LTBP1: variants seen among roughly 807,000 people sequenced by gnomAD.
LTBP1 encodes the protein latent transforming growth factor beta binding protein 1, also known as latent-transforming growth factor beta-binding protein 1.
In LTBP1, 129 loss-of-function variants were observed where a neutral mutation model predicts 207.6. The ratio of observed to expected loss-of-function variants is 0.62; its 90% CI spans 0.54 to 0.72. The LOEUF is 0.72. LTBP1 is among the 30% of genes least tolerant of loss of function. LTBP1 has a pLI of 0.00. For missense variants in LTBP1, 2,281 were observed against 2,217.2 expected (o/e 1.03, Z -0.58); for synonymous variants, 963 against 833.7 (o/e 1.16, Z -2.67).
chr2:33,351,378 T>G (rs898482010), intron 26 of LTBP1, among the ~76,000 whole-genome samples: 5 of 152,250 alleles, frequency 3.3e-5, no homozygotes, highest in Admixed American at 2.0e-4. Flanking sequence ...TTTCTAATTT[T>G]AGGGCTGAGG....
intron 24 of LTBP1, among the ~76,000 whole-genome samples, chr2:33,342,405 A>C (rs1457710439): frequency 6.6e-6 from 1 of 152,236 alleles, no homozygotes; most frequent in East Asian, 1.9e-4. Context: ...AAGGTTAAGT[A>C]AACTATTGCT....
intron 3 of LTBP1, among the ~76,000 whole-genome samples, chr2:33,046,143 A>G (rs1391862201): frequency 6.6e-6 from 1 of 152,152 alleles, no homozygotes; most frequent in Non-Finnish European, 1.5e-5. Flanking sequence ...AGAACTTCCA[A>G]TACTATGTTG....
intron 3 of LTBP1, among the ~76,000 whole-genome samples, chr2:33,027,499 T>G (rs565119147): frequency 6.6e-6 from 1 of 152,268 alleles, no homozygotes; most frequent in African/African-American, 2.4e-5. Flanking sequence ...CCTTTGACCA[T>G]TTTTTGGTTC....
intron 5 of LTBP1, among the ~76,000 whole-genome samples, chr2:33,150,681 C>CTTTCT (rs1270054351): frequency 1.2e-4 from 16 of 131,462 alleles, no homozygotes; most frequent in African/African-American, 4.3e-4. Context: ...ACTTACTTTG[C>CTTTCT]TTTCTTTTCT....
At chr2:33,132,826 T>C (rs1213868128) in intron 4 of LTBP1, among the ~76,000 whole-genome samples, 1 of 152,254 alleles carries the variant, frequency 6.6e-6, no homozygotes, top group Non-Finnish European at 1.5e-5. Context: ...GTTCAAGTCC[T>C]AATTTTAGCT....
chr2:32,988,605 T>A (rs1046650914), intron 2 of LTBP1, among the ~76,000 whole-genome samples: 9 of 152,120 alleles, frequency 5.9e-5, no homozygotes, highest in Non-Finnish European at 7.4e-5. Flanking sequence ...ATTCTTAGAG[T>A]TCACACCTCA....
At chr2:33,272,400 C>T (rs1573544939) in intron 15 of LTBP1, among the ~76,000 whole-genome samples, 1 of 152,196 alleles carries the variant, frequency 6.6e-6, no homozygotes, top group Non-Finnish European at 1.5e-5. Flanking sequence ...GGTCGCTTGG[C>T]CTCATTCATA....
chr2:33,263,900 C>T (rs1167657509), intron 15 of LTBP1, among the ~76,000 whole-genome samples: 8 of 149,212 alleles, frequency 5.4e-5, no homozygotes, highest in Non-Finnish European at 7.4e-5. Flanking sequence ...TCGCAGTGAG[C>T]CAAGATCACG....
intron 7 of LTBP1, among the ~76,000 whole-genome samples, chr2:33,190,630 T>G (rs1303913280): frequency 1.3e-5 from 2 of 152,176 alleles, no homozygotes; most frequent in African/African-American, 4.8e-5. Context: ...CTCATGAGAC[T>G]TTGTTAAGAT....
At chr2:32,958,766 T>C (rs1572821165) in intron 2 of LTBP1, among the ~76,000 whole-genome samples, 3 of 152,370 alleles carry the variant, frequency 2.0e-5, no homozygotes, top group African/African-American at 7.2e-5. Flanking sequence ...TTTTTCTCTC[T>C]GTACTTTTCC....
chr2:33,237,292 T>G (rs1457509339), intron 9 of LTBP1, among the ~76,000 whole-genome samples: 1 of 152,204 alleles, frequency 6.6e-6, no homozygotes, highest in Non-Finnish European at 1.5e-5. Context: ...AATATGCTTA[T>G]GTATATAGAA....
intron 2 of LTBP1, among the ~76,000 whole-genome samples, chr2:33,016,916 C>T (rs1688462460): frequency 6.6e-6 from 1 of 152,122 alleles, no homozygotes; most frequent in Non-Finnish European, 1.5e-5. Flanking sequence ...ACTTGGGAGG[C>T]TGAGGCAGGA....
Position 33,365,315 on chromosome 2 carries a change from C to G in LTBP1, c.4541-18C>G. 1 of 1,612,838 alleles carries G rather than the reference C, an allele frequency of 6.2e-7. No individual in the cohort carries two copies. On this transcript the variant is annotated intron_variant, in intron 30 of 33. Transcript: ENST00000404816. Reference sequence around the variant, plus strand: ...GAATAACTGTGCGATTTTCATGGAACTATGTCTTCCCTTTCAGAACAAATA... The same window carrying G: ...GAATAACTGTGCGATTTTCATGGAAGTATGTCTTCCCTTTCAGAACAAATA...
At chr2:33,083,114 G>T (rs1323829156) in intron 3 of LTBP1, among the ~76,000 whole-genome samples, 2 of 151,824 alleles carry the variant, frequency 1.3e-5, no homozygotes, top group Non-Finnish European at 2.9e-5. Flanking sequence ...CCTGCTTGCT[G>T]CAGGTCTCTT....
intron 7 of LTBP1, among the ~76,000 whole-genome samples, chr2:33,212,066 C>G (rs186145550): frequency 9.9e-5 from 15 of 152,242 alleles, no homozygotes; most frequent in African/African-American, 3.6e-4. Flanking sequence ...GTTTTTTTCA[C>G]TATTGCTTAT....
intron 3 of LTBP1, among the ~76,000 whole-genome samples, chr2:33,062,480 G>T (rs1255968237): frequency 1.3e-5 from 2 of 152,128 alleles, no homozygotes; most frequent in Non-Finnish European, 2.9e-5. Flanking sequence ...GTAGTGTAAG[G>T]TGAGAATCCA....
chr2:33,196,096 G>T (rs2088528507), intron 7 of LTBP1, among the ~76,000 whole-genome samples: 1 of 152,168 alleles, frequency 6.6e-6, no homozygotes, highest in South Asian at 2.1e-4. Context: ...TTTGCACTGG[G>T]AAACTGACAG....
At chr2:33,284,571 C>G (rs938339006) in intron 19 of LTBP1, among the ~76,000 whole-genome samples, 1 of 152,144 alleles carries the variant, frequency 6.6e-6, no homozygotes, top group African/African-American at 2.4e-5. Flanking sequence ...TGGCCAGTTC[C>G]AAATGGCTAT....
chr2:33,077,903 G>T (rs2078172132), intron 3 of LTBP1, among the ~76,000 whole-genome samples: 1 of 152,144 alleles, frequency 6.6e-6, no homozygotes, highest in South Asian at 2.1e-4. Flanking sequence ...CAAACAAAAG[G>T]TCGGCAGCTT....
Sources: allele counts gnomAD v4.1 joint callset (sites outside exome capture counted in the v4.1 genomes callset), GRCh38; gene constraint gnomAD v4.1.1; transcripts MANE v1.5; gene names NCBI Gene and HGNC (gene_info 2026-07-23, HGNC 2026-07-21).